MEP1A: variants seen among roughly 807,000 people sequenced by gnomAD.
MEP1A encodes N-benzoyl-L-tyrosyl-P-amino-benzoic acid hydrolase subunit alpha.
A neutral mutation model predicts 84.5 loss-of-function variants in MEP1A; 68 were observed. That is an observed-to-expected ratio of 0.80 (90% confidence interval 0.66 to 0.98). MEP1A has a LOEUF of 0.98. Among genes scored for constraint, MEP1A ranks in the 50% least tolerant of loss-of-function variants. The pLI, the probability that MEP1A is intolerant of heterozygous loss-of-function variation, is 0.00. For synonymous variants in MEP1A, 337 were observed against 336.8 expected (o/e 1.00, Z -0.01); for missense variants, 887 against 919.9 (o/e 0.96, Z 0.46).
chr6:46,839,178 C>T lies in MEP1A; in HGVS notation c.*42C>T. On this transcript the variant is annotated 3_prime_UTR_variant, in exon 14 of 14. Coordinates refer to ENST00000230588, the MANE Select transcript of MEP1A (RefSeq NM_005588.3). ...GGCCAGACCACAGCAGCACCTCCTC[C>T]ATGCAGGCCTTAACTTTCCCATGGT... 1 of 1,578,362 alleles carries T rather than the reference C, an allele frequency of 6.3e-7. No homozygotes were observed. The highest frequency in any genetic ancestry group is 1.7e-5 in the Admixed American group (1 of 57,442).
intron 10 of MEP1A, among the ~76,000 whole-genome samples, chr6:46,830,587 T>C (rs1302360395): frequency 6.6e-6 from 1 of 152,168 alleles, no homozygotes; most frequent in Non-Finnish European, 1.5e-5. Flanking sequence ...TAACCCTGGA[T>C]CTTGATTTAT....
rs772185391 is a variant in MEP1A at position 46,833,345 on chromosome 6, C to A, written c.1416C>A (p.Tyr472Ter). ...SEGYGFGVTL[Y>*]PNSRESSGYL... ...GATATGGTTTTGGGGTAACTTTATA[C>A]CCAAATAGCAGAGAAAGCTCTGGTT... Residue 472 changes from tyrosine (Y) to a stop codon, truncating the protein, a stop_gained, in exon 11 of 14, where the codon TAC becomes TAA. Transcript: ENST00000230588. LOFTEE classifies it high-confidence loss of function. 3 of 1,614,198 alleles carry A rather than the reference C, an allele frequency of 1.9e-6. No individual in the cohort carries two copies. Among genetic ancestry groups the A allele is most frequent in the Admixed American group, 1.7e-5 (1 of 60,020 alleles).
At chr6:46,822,610 C>A (rs1013104438) in intron 7 of MEP1A, among the ~76,000 whole-genome samples, 1 of 152,136 alleles carries the variant, frequency 6.6e-6, no homozygotes, top group African/African-American at 2.4e-5. Context: ...ACGGTGCAAT[C>A]TCAGCTCACT....
chr6:46,809,302 A>T lies in MEP1A; in HGVS notation c.263-118A>T, dbSNP rs1358930882. 1.2e-5 allele frequency: 8 copies of T among 643,180 alleles called. No individual in the cohort carries two copies. The East Asian group carries it at 2.1e-4, about 17-fold the overall frequency. 39.8% of individuals were successfully genotyped at this position (643,180 alleles called of 1,614,324 possible). On this transcript the variant is annotated intron_variant, in intron 5 of 13. Coordinates refer to ENST00000230588, the MANE Select transcript of MEP1A (RefSeq NM_005588.3). ...CCAGGAAATCTATTTATTACCAAAA[A>T]CCCTATCATGCACCTCTGTGGATTT... is the stretch of plus-strand genomic sequence containing the variant.
At chr6:46,800,030 A>T (rs1422573713) in intron 5 of MEP1A, among the ~76,000 whole-genome samples, 1 of 152,202 alleles carries the variant, frequency 6.6e-6, no homozygotes, top group Non-Finnish European at 1.5e-5. Flanking sequence ...GCTGCCTCGA[A>T]TCCCTGTTTA....
rs973925300 is a variant in MEP1A at position 46,798,130 on chromosome 6, G to T, written c.146-476G>T. ...CTACAGGTGCACGCCACCATGCCCA[G>T]CTAATTTTTGTACTTTTAGTAGAGA... is the stretch of plus-strand genomic sequence containing the variant. On this transcript the variant is annotated intron_variant, in intron 3 of 13. Transcript: ENST00000230588. 1.1e-4 allele frequency among the ~76,000 whole-genome samples: 17 copies of T among 152,020 alleles called. No individual in the cohort carries two copies. In the South Asian group the frequency reaches 3.5e-3, roughly 32 times the overall value.
chr6:46,809,465 G>C lies in MEP1A; in HGVS notation c.308G>C (p.Arg103Pro). ...ATTCTGTATGCCTTTGAGATGTTCCGTCTCAAGTCCTGTGTGGATTTCAAG... is the reference window on the plus strand; with the variant it reads ...ATTCTGTATGCCTTTGAGATGTTCCCTCTCAAGTCCTGTGTGGATTTCAAG... ...GAILYAFEMFRLKSCVDFKPY... is the reference protein window; with the variant it reads ...GAILYAFEMFPLKSCVDFKPY... The change falls in exon 6 of 14, where the codon CGT becomes CCT. Residue 103 changes from arginine to proline, a missense_variant. By Grantham distance (103) the Arg-to-Pro change is moderately radical. Coordinates refer to ENST00000230588, the MANE Select transcript of MEP1A (RefSeq NM_005588.3). 6.2e-7 allele frequency: 1 copy of C among 1,609,540 alleles called. No homozygotes were observed.
intron 5 of MEP1A, among the ~76,000 whole-genome samples, chr6:46,801,581 T>C (rs1317271984): frequency 2.6e-5 from 4 of 152,160 alleles, no homozygotes; most frequent in Non-Finnish European, 4.4e-5. Flanking sequence ...GTTTTTGTTT[T>C]TCAAGCAGTG....
chr6:46,819,574 C>T lies in MEP1A; in HGVS notation c.426C>T (p.Ser142=). ...ACCAACATGTGGGACAGAACATTTC[C>T]ATTGGCCAAGGATGTGCCTATAAGG... ...VGDQHVGQNI[S]IGQGCAYKAI... is the part of the protein sequence containing the mutation. Residue 142 remains serine, a synonymous_variant, in exon 7 of 14, where the codon TCC becomes TCT. Transcript: ENST00000230588. 7.4e-6 allele frequency: 12 copies of T among 1,613,930 alleles called. No homozygotes were observed. The highest frequency in any genetic ancestry group is 1.0e-5 in the Non-Finnish European group (12 of 1,179,908).
intron 6 of MEP1A, among the ~76,000 whole-genome samples, chr6:46,816,739 GC>G (rs1459833879): frequency 6.6e-6 from 1 of 152,132 alleles, no homozygotes; most frequent in Non-Finnish European, 1.5e-5. Flanking sequence ...TGTTGAAGGG[GC>G]ACAGTGGGAA....
chr6:46,797,844 CTCTT>C (rs1200895084), intron 3 of MEP1A, among the ~76,000 whole-genome samples: 8 of 101,290 alleles, frequency 7.9e-5, no homozygotes, highest in African/African-American at 1.5e-4. Context: ...CTTTCTCTCT[CTCTT>C]TCTTTCTTTC....
At chr6:46,831,810 C>T (rs1768081671) in intron 10 of MEP1A, among the ~76,000 whole-genome samples, 1 of 152,204 alleles carries the variant, frequency 6.6e-6, no homozygotes, top group Non-Finnish European at 1.5e-5. Flanking sequence ...CCCTTCAAGT[C>T]CATGTGTCTT....
Position 46,834,011 on chromosome 6 carries a change from C to A in MEP1A, c.1609+473C>A, listed in dbSNP as rs547988660. Among the ~76,000 whole-genome samples, 3 of 149,610 alleles carry A rather than the reference C, an allele frequency of 2.0e-5. No homozygotes were observed. The South Asian group carries it at 6.3e-4, about 32-fold the overall frequency. On this transcript the variant is annotated intron_variant, in intron 11 of 13. Transcript: ENST00000230588. ...TTTTTTTTTGAGATGGAGTCTCCCT[C>A]TGTCGCCCAGGCTGCAATGTAATGG...
chr6:46,801,004 A>T (rs1168192897), intron 5 of MEP1A, among the ~76,000 whole-genome samples: 2 of 152,062 alleles, frequency 1.3e-5, no homozygotes, highest in Non-Finnish European at 2.9e-5. Flanking sequence ...TCTTTTTTTA[A>T]ACTACTCAGT....
chr6:46,807,817 AAGAAAG>A (rs1767395875), intron 5 of MEP1A, among the ~76,000 whole-genome samples: 1 of 150,880 alleles, frequency 6.6e-6, no homozygotes, highest in African/African-American at 2.4e-5. Flanking sequence ...GAAAGAAAGA[AAGAAAG>A]AAAGAAAGAA....
chr6:46,813,217 T>A (rs1160298607), intron 6 of MEP1A, among the ~76,000 whole-genome samples: 1 of 152,160 alleles, frequency 6.6e-6, no homozygotes, highest in Non-Finnish European at 1.5e-5. Flanking sequence ...AGTCCTTATG[T>A]GTTATGTGAG....
intron 3 of MEP1A, among the ~76,000 whole-genome samples, chr6:46,794,024 C>T (rs993317799): frequency 2.0e-5 from 3 of 152,020 alleles, no homozygotes; most frequent in South Asian, 4.2e-4. Flanking sequence ...ATAATTATTC[C>T]GATTGTTAAA....
chr6:46,811,272 G>A (rs1767491842), intron 6 of MEP1A, among the ~76,000 whole-genome samples: 1 of 151,994 alleles, frequency 6.6e-6, no homozygotes, highest in African/African-American at 2.4e-5. Flanking sequence ...TTCTTAGCTT[G>A]GACACTGTTG....
In MEP1A at chr6:46,825,004, A is replaced by AAATATATATAAATTATATATTTAAAT. The variant is rs1562113917; in HGVS notation, c.557-267_557-266insATATATATAAATTATATATTTAAATA. The stretch of plus-strand genomic sequence containing the variant: ...ATTATATATTTAAATAGATCTATTT[A>AAATATATATAAATTATATATTTAAAT]AGTATATATAAATTATATATTTAAA... On this transcript the variant is annotated intron_variant, in intron 7 of 13. Coordinates refer to ENST00000230588, the MANE Select transcript of MEP1A (RefSeq NM_005588.3). 3.6e-3 allele frequency among the ~76,000 whole-genome samples: 247 copies of AAATATATATAAATTATATATTTAAAT among 68,444 alleles called. 62 individuals are homozygous for AAATATATATAAATTATATATTTAAAT. Among genetic ancestry groups the AAATATATATAAATTATATATTTAAAT allele is most frequent in the African/African-American group, 0.012 (231 of 19,138 alleles). The allele number at this position is 68,444 out of a possible 152,430, so 44.9% of individuals were successfully genotyped here.
Sources: gnomAD v4.1 joint callset for allele counts (sites outside exome capture counted in the v4.1 genomes callset) on GRCh38, gnomAD v4.1.1 for gene constraint, MANE v1.5 for transcripts, NCBI Gene and HGNC (gene_info 2026-07-23, HGNC 2026-07-21) for gene names.